The following TEAD1 variants were observed in gnomAD, a reference collection of about 807,000 sequenced individuals.
TEAD1 encodes transcriptional enhancer factor TEF-1.
Under a neutral mutation model 54.9 loss-of-function variants are expected in TEAD1, and 9 were observed. The observed-to-expected ratio is 0.16, with a 90% CI of 0.10 to 0.29. The LOEUF is 0.29. Among genes scored for constraint, TEAD1 ranks in the 10% least tolerant of loss-of-function variants. TEAD1 has a pLI of 1.00. For synonymous variants in TEAD1, 200 were observed against 187.8 expected (o/e 1.07, Z -0.53); for missense variants, 387 against 535.9 (o/e 0.72, Z 2.74).
intron 9 of TEAD1, among the ~76,000 whole-genome samples, chr11:12,893,269 A>G (rs1948236169): frequency 6.6e-6 from 1 of 152,182 alleles, no homozygotes; most frequent in Admixed American, 6.5e-5. Context: ...CTGGTCTTCC[A>G]GCAGGACGTA....
intron 2 of TEAD1, among the ~76,000 whole-genome samples, chr11:12,703,363 G>A (rs58225180): frequency 0.052 from 7,964 of 152,272 alleles, 741 homozygotes; most frequent in African/African-American, 0.18. Flanking sequence ...CCCCTGCTCG[G>A]TACGTGGAGA....
chr11:12,740,432 A>T lies in TEAD1; in HGVS notation c.-54-23747A>T, dbSNP rs139656159. 7.9e-3 allele frequency among the ~76,000 whole-genome samples: 1,199 copies of T among 152,330 alleles called. 21 individuals are homozygous for T. The highest frequency in any genetic ancestry group is 0.028 in the African/African-American group (1,146 of 41,582). ...ACGTAAAATAGGATATAATGTGTGTATGTGAAAATTGTCACTAGACATAAA... is the reference window on the plus strand; with the variant it reads ...ACGTAAAATAGGATATAATGTGTGTTTGTGAAAATTGTCACTAGACATAAA... On this transcript the variant is annotated intron_variant, in intron 2 of 12. Coordinates refer to ENST00000527636, the MANE Select transcript of TEAD1 (RefSeq NM_021961.6).
intron 3 of TEAD1, among the ~76,000 whole-genome samples, chr11:12,766,063 A>G (rs1945201862): frequency 6.6e-6 from 1 of 152,102 alleles, no homozygotes; most frequent in African/African-American, 2.4e-5. Flanking sequence ...ACCTTGTACA[A>G]CTCTCATTTG....
At chr11:12,841,537 G>A (rs1947041668) in intron 3 of TEAD1, among the ~76,000 whole-genome samples, 1 of 152,176 alleles carries the variant, frequency 6.6e-6, no homozygotes, top group South Asian at 2.1e-4. Context: ...ATTCTCTCTG[G>A]CTTTTCTGAG....
At chr11:12,843,647 T>A (rs1424054653) in intron 3 of TEAD1, among the ~76,000 whole-genome samples, 1 of 152,216 alleles carries the variant, frequency 6.6e-6, no homozygotes, top group Non-Finnish European at 1.5e-5. Context: ...ATCTGCAGGG[T>A]TTGGTTGTTT....
intron 3 of TEAD1, among the ~76,000 whole-genome samples, chr11:12,840,497 G>A (rs974068006): frequency 1.1e-4 from 16 of 152,088 alleles, no homozygotes; most frequent in South Asian, 2.1e-4. Flanking sequence ...GGGGTTGATC[G>A]TTTCTGCGTA....
chr11:12,687,565 C>T (rs750318143), intron 2 of TEAD1, among the ~76,000 whole-genome samples: 8 of 152,136 alleles, frequency 5.3e-5, no homozygotes, highest in Admixed American at 2.0e-4. Flanking sequence ...GTCACCTATC[C>T]GGTTTTCTTG....
intron 10 of TEAD1, among the ~76,000 whole-genome samples, chr11:12,912,203 C>T (rs1376207566): frequency 1.3e-5 from 2 of 152,092 alleles, no homozygotes; most frequent in Non-Finnish European, 2.9e-5. Flanking sequence ...GTCGTCTTTG[C>T]TTCTGGAAAA....
At chr11:12,741,744 T>C (rs1236939518) in intron 2 of TEAD1, among the ~76,000 whole-genome samples, 1 of 152,228 alleles carries the variant, frequency 6.6e-6, no homozygotes, top group Non-Finnish European at 1.5e-5. Flanking sequence ...AAAGTCTTTT[T>C]TCCCCCTGCC....
At chr11:12,801,633 C>T (rs1315605743) in intron 3 of TEAD1, among the ~76,000 whole-genome samples, 1 of 152,202 alleles carries the variant, frequency 6.6e-6, no homozygotes, top group Non-Finnish European at 1.5e-5. Flanking sequence ...TTGGTTTGAA[C>T]CTGAGCGTGT....
chr11:12,808,723 C>A (rs1367499797), intron 3 of TEAD1, among the ~76,000 whole-genome samples: 3 of 152,166 alleles, frequency 2.0e-5, no homozygotes, highest in Non-Finnish European at 2.9e-5. Context: ...CCTGAATAGG[C>A]ACAGCTGCAA....
At chr11:12,896,017 T>C (rs1282087612) in intron 9 of TEAD1, among the ~76,000 whole-genome samples, 4 of 151,450 alleles carry the variant, frequency 2.6e-5, no homozygotes, top group African/African-American at 4.9e-5. Context: ...TCAGTCACCC[T>C]ATGTGCTTAT....
chr11:12,845,400 GCA>G (rs1319636803), intron 3 of TEAD1, among the ~76,000 whole-genome samples: 2 of 152,116 alleles, frequency 1.3e-5, no homozygotes, highest in Non-Finnish European at 2.9e-5. Context: ...GTGCGCACAC[GCA>G]CACACAGTAG....
At chr11:12,834,410 T>C (rs1019876657) in intron 3 of TEAD1, among the ~76,000 whole-genome samples, 1 of 152,238 alleles carries the variant, frequency 6.6e-6, no homozygotes, top group African/African-American at 2.4e-5. Flanking sequence ...GAAATCCCAG[T>C]GCTACCATTT....
At chr11:12,811,056 T>C (rs1231052951) in intron 3 of TEAD1, among the ~76,000 whole-genome samples, 1 of 152,076 alleles carries the variant, frequency 6.6e-6, no homozygotes, top group African/African-American at 2.4e-5. Context: ...TGGGATGACG[T>C]CCCTTGCAAC....
At chr11:12,798,951 C>CA (rs1192273517) in intron 3 of TEAD1, among the ~76,000 whole-genome samples, 1 of 152,032 alleles carries the variant, frequency 6.6e-6, no homozygotes, top group Non-Finnish European at 1.5e-5. Context: ...AAAGCAACAA[C>CA]AAAACCCCCC....
chr11:12,689,995 C>G (rs983606155), intron 2 of TEAD1, among the ~76,000 whole-genome samples: 1 of 152,024 alleles, frequency 6.6e-6, no homozygotes, highest in Non-Finnish European at 1.5e-5. Flanking sequence ...AATCCCAGCA[C>G]TTTGGGAGGC....
intron 3 of TEAD1, among the ~76,000 whole-genome samples, chr11:12,816,984 G>A (rs148844704): frequency 3.9e-5 from 6 of 152,294 alleles, no homozygotes; most frequent in Admixed American, 1.3e-4. Context: ...GTGATGCAGC[G>A]TTCCCTCAAA....
intron 10 of TEAD1, chr11:12,922,707 T>C (rs1202117450): frequency 6.6e-6 from 1 of 151,972 alleles, no homozygotes; most frequent in Non-Finnish European, 1.5e-5. Context: ...GGTGGGCAGA[T>C]AACTTGAGGC....
Sources: gnomAD v4.1 joint callset for allele counts (sites outside exome capture counted in the v4.1 genomes callset) on GRCh38, gnomAD v4.1.1 for gene constraint, MANE v1.5 for transcripts, NCBI Gene and HGNC (gene_info 2026-07-23, HGNC 2026-07-21) for gene names.